HPRT1: variants seen among roughly 807,000 people sequenced by gnomAD.
HPRT1 encodes hypoxanthine phosphoribosyltransferase 1, also known as hypoxanthine-guanine phosphoribosyltransferase.
HPRT1 carries 4 observed loss-of-function variants against 19.0 expected under a neutral mutation model. The ratio of observed to expected loss-of-function variants is 0.21; its 90% CI spans 0.10 to 0.48. The LOEUF (loss-of-function observed/expected upper bound fraction) is 0.48, where lower values mean the gene tolerates loss of function less well. HPRT1 is among the 20% of genes least tolerant of loss of function. The probability of loss-of-function intolerance (pLI) is 0.98; values close to 1 mark genes in which losing one functional copy is unlikely to be tolerated. For synonymous variants in HPRT1, 53 were observed against 54.9 expected, an observed-to-expected ratio of 0.97 and a Z score of 0.15; for missense variants, 65 against 164.0, an observed-to-expected ratio of 0.40 and a Z score of 3.30.
rs192325137 is a variant in HPRT1 at position 134,494,051 on chromosome X, A to G, written c.485+461A>G. ...TCGGCCTCACCTCCTCACCTTACCTATGCTGTTTTACTTTTGCTTTTATAG... is the reference window on the plus strand; with the variant it reads ...TCGGCCTCACCTCCTCACCTTACCTGTGCTGTTTTACTTTTGCTTTTATAG... On this transcript the variant is annotated intron_variant, in intron 6 of 8. Coordinates refer to ENST00000298556, the MANE Select transcript of HPRT1 (RefSeq NM_000194.3). Among the ~76,000 whole-genome samples, 114 of 111,576 alleles carry G rather than the reference A, an allele frequency of 1.0e-3. 1 individual carries two copies. The highest frequency in any genetic ancestry group is 3.6e-3 in the African/African-American group (111 of 30,745).
At chrX:134,498,766 C>A in intron 8 of HPRT1, 82 bp downstream of exon 8, 1 of 648,970 alleles carries the variant, frequency 1.5e-6, no homozygotes, top group South Asian at 2.3e-5. Context: ...CTCCTTCCAG[C>A]ACCTCATAAT....
intron 1 of HPRT1, among the ~76,000 whole-genome samples, chrX:134,472,526 G>A (rs2077612808): frequency 9.0e-6 from 1 of 111,330 alleles, no homozygotes; most frequent in Non-Finnish European, 1.9e-5. Context: ...CTACATTCTT[G>A]ACTAAGATGA....
intron 5 of HPRT1, among the ~76,000 whole-genome samples, chrX:134,490,559 A>G (rs1228102923): frequency 2.8e-5 from 3 of 107,718 alleles, no homozygotes; most frequent in Non-Finnish European, 5.8e-5. Flanking sequence ...TACATAAAAA[A>G]TAATATTTAT....
chrX:134,488,742 C>T (rs762806195), intron 4 of HPRT1, among the ~76,000 whole-genome samples: 94 of 111,377 alleles, frequency 8.4e-4, no homozygotes, highest in African/African-American at 2.9e-3. Context: ...TGAACAATTG[C>T]ATGGCTTTTT....
chrX:134,471,788 G>T (rs1039958871), intron 1 of HPRT1, among the ~76,000 whole-genome samples: 2 of 110,263 alleles, frequency 1.8e-5, no homozygotes, highest in East Asian at 5.7e-4. Flanking sequence ...CTACAGGCGC[G>T]TGCCACATGC....
chrX:134,460,562 G>A (rs2077580488), intron 1 of HPRT1: 1 of 241,722 alleles, frequency 4.1e-6, no homozygotes, highest in African/African-American at 2.9e-5. Flanking sequence ...GGGAGCCCTG[G>A]GAAAAGAGGA....
At chrX:134,462,233 T>C (rs17886404) in intron 1 of HPRT1, among the ~76,000 whole-genome samples, 2,027 of 111,134 alleles carry the variant, frequency 0.018, 31 homozygotes, top group Non-Finnish European at 0.027. Context: ...CGGGCTGGAG[T>C]ACAGTGGCAT....
At chrX:134,462,107 C>A (rs2077585754) in intron 1 of HPRT1, among the ~76,000 whole-genome samples, 1 of 111,767 alleles carries the variant, frequency 8.9e-6, no homozygotes, top group Non-Finnish European at 1.9e-5. Flanking sequence ...TCTCCCACTT[C>A]AGCCTCCCAA....
chrX:134,499,531 G>A (rs963344291), intron 8 of HPRT1, among the ~76,000 whole-genome samples: 2 of 109,592 alleles, frequency 1.8e-5, no homozygotes, highest in African/African-American at 6.7e-5. Flanking sequence ...CAGACTGGGC[G>A]CGGTGGCTCA....
At chrX:134,497,508 C>G (rs1169149016) in intron 6 of HPRT1, among the ~76,000 whole-genome samples, 2 of 107,982 alleles carry the variant, frequency 1.9e-5, no homozygotes, top group African/African-American at 6.8e-5. Context: ...GTGGCACATG[C>G]CTGTAGTCCC....
At chrX:134,479,599 G>GTTTTGT (rs373247002) in intron 3 of HPRT1, among the ~76,000 whole-genome samples, 3 of 109,621 alleles carry the variant, frequency 2.7e-5, no homozygotes, top group Admixed American at 9.8e-5. Context: ...TGTTGTTGTT[G>GTTTTGT]TTTTGTTTTT....
At chrX:134,467,803 CTTTTTTTTTTTT>C (rs765621209) in intron 1 of HPRT1, among the ~76,000 whole-genome samples, 1 of 89,485 alleles carries the variant, frequency 1.1e-5, no homozygotes, top group Non-Finnish European at 2.2e-5. Context: ...TAACCTGTAT[CTTTTTTTTTTTT>C]TTTTTTTTTA....
intron 6 of HPRT1, among the ~76,000 whole-genome samples, chrX:134,497,808 G>T (rs1234614657): frequency 9.1e-6 from 1 of 110,163 alleles, no homozygotes; most frequent in Admixed American, 9.6e-5. Flanking sequence ...TTAGCCGGGA[G>T]TGCTGGCGGG....
intron 1 of HPRT1, among the ~76,000 whole-genome samples, chrX:134,464,511 A>G (rs1350218336): frequency 8.9e-6 from 1 of 112,227 alleles, no homozygotes; most frequent in Non-Finnish European, 1.9e-5. Context: ...ATTACTAGGA[A>G]TTAAATAAAA....
chrX:134,489,098 A>G (rs1311350206), intron 4 of HPRT1, among the ~76,000 whole-genome samples: 1 of 111,421 alleles, frequency 9.0e-6, no homozygotes, highest in Non-Finnish European at 1.9e-5. Context: ...ACCTCCAACA[A>G]TAAACTGCTT....
At chrX:134,474,865 G>A (rs1247891734) in intron 2 of HPRT1, among the ~76,000 whole-genome samples, 1 of 111,084 alleles carries the variant, frequency 9.0e-6, no homozygotes, top group East Asian at 2.8e-4. Flanking sequence ...TGTGTTACGT[G>A]GAAGATTTAA....
intron 5 of HPRT1, among the ~76,000 whole-genome samples, chrX:134,491,710 A>T (rs1008659363): frequency 2.8e-5 from 3 of 108,129 alleles, no homozygotes; most frequent in Non-Finnish European, 1.9e-5. Flanking sequence ...TCTTCAATTC[A>T]CTTGGACCTT....
At chrX:134,476,194 T>C (rs1232045590) in intron 3 of HPRT1, among the ~76,000 whole-genome samples, 3 of 112,028 alleles carry the variant, frequency 2.7e-5, no homozygotes, top group Admixed American at 9.5e-5. Context: ...AGACCACTTA[T>C]CTACATTTAA....
In HPRT1 at chrX:134,486,444, GT is replaced by G. The variant is rs371480320; in HGVS notation, c.319-7del. Reference sequence around the variant, plus strand: ...GTGTGTGTAGATATATATATATATAGTTTTTTTTTTTTTTAACTAGAATGAC... The same window carrying G: ...GTGTGTGTAGATATATATATATATAGTTTTTTTTTTTTTAACTAGAATGAC... On this transcript the variant is annotated intron_variant, in intron 3 of 8. Transcript: ENST00000298556. 0.04 allele frequency: 26,729 copies of G among 662,204 alleles called. 26 individuals are homozygous for G. Among genetic ancestry groups the G allele is most frequent in the African/African-American group, 0.055 (2,236 of 40,691 alleles). 54.6% of individuals were successfully genotyped at this position (662,204 alleles called of 1,213,427 possible).
Sources: gnomAD v4.1 joint callset for allele counts (sites outside exome capture counted in the v4.1 genomes callset) on GRCh38, gnomAD v4.1.1 for gene constraint, MANE v1.5 for transcripts, NCBI Gene and HGNC (gene_info 2026-07-23, HGNC 2026-07-21) for gene names.